Variants in MRAP observed in about 807,000 individuals in gnomAD.
The protein encoded by MRAP is melanocortin-2 receptor accessory protein.
Under a neutral mutation model 8.7 loss-of-function variants are expected in MRAP, and 8 were observed. The ratio of observed to expected loss-of-function variants is 0.92; its 90% confidence interval spans 0.54 to 1.66. The LOEUF is 1.66. MRAP is among the 40% of genes most tolerant of loss of function. The pLI is 0.00. For synonymous variants in MRAP, 95 were observed against 95.5 expected (o/e 1.00, Z 0.03); for missense variants, 237 against 217.1 (o/e 1.09, Z -0.58).
At chr21:32,293,890 G>T (rs7280553), upstream of MRAP, among the ~76,000 whole-genome samples, 152,108 of 152,108 alleles carry the variant, frequency 1, 76,054 homozygotes, top group Non-Finnish European at 1. Context: ...TCTACTAGGG[G>T]ACTTGCATGG....
downstream of MRAP, chr21:32,312,442 GTGATGGCATCTGCCCTGCCAGGT>G (rs1351851000): frequency 1.7e-6 from 1 of 603,614 alleles, no homozygotes; most frequent in African/African-American, 1.9e-5. Flanking sequence ...TCCCCCAGAT[GTGATGGCATCTGCCCTGCCAGGT>G]CAGCTCACTG....
chr21:32,304,114 C>G (rs1217250895), intron 1 of MRAP, among the ~76,000 whole-genome samples: 3 of 152,182 alleles, frequency 2.0e-5, no homozygotes, highest in Non-Finnish European at 2.9e-5. Flanking sequence ...ACCTCAAACC[C>G]TGCACTATTT....
At chr21:32,304,175 C>A (rs953567881) in intron 1 of MRAP, among the ~76,000 whole-genome samples, 1 of 152,176 alleles carries the variant, frequency 6.6e-6, no homozygotes, top group Non-Finnish European at 1.5e-5. Flanking sequence ...AATATCCCTA[C>A]AGAATAAAAC....
At chr21:32,299,176 G>A (rs890487157) in intron 1 of MRAP, 99 bp downstream of exon 1, 27 of 850,838 alleles carry the variant, frequency 3.2e-5, no homozygotes, top group Admixed American at 1.4e-4. Flanking sequence ...TATTAACTCC[G>A]GTAGACATCA....
upstream of MRAP, among the ~76,000 whole-genome samples, chr21:32,295,486 G>A (rs376454404): frequency 1.3e-5 from 2 of 152,134 alleles, no homozygotes; most frequent in Non-Finnish European, 2.9e-5. Context: ...TTTTCTTGGC[G>A]CCGCCTGTGA....
chr21:32,295,485 C>A (rs978546202), upstream of MRAP, among the ~76,000 whole-genome samples: 1 of 152,142 alleles, frequency 6.6e-6, no homozygotes, highest in African/African-American at 2.4e-5. Context: ...CTTTTCTTGG[C>A]GCCGCCTGTG....
upstream of MRAP, among the ~76,000 whole-genome samples, chr21:32,294,604 T>C (rs1388713729): frequency 2.6e-5 from 4 of 152,204 alleles, no homozygotes; most frequent in Non-Finnish European, 5.9e-5. Context: ...CCTTAGTAGA[T>C]ATATAATTTT....
At chr21:32,309,318 C>G (rs1412985538) in intron 2 of MRAP, among the ~76,000 whole-genome samples, 1 of 152,146 alleles carries the variant, frequency 6.6e-6, no homozygotes, top group Non-Finnish European at 1.5e-5. Context: ...CTTGAAGGGG[C>G]CTCTGATTCT....
At chr21:32,303,684 G>A (rs1459500509) in intron 1 of MRAP, among the ~76,000 whole-genome samples, 1 of 152,240 alleles carries the variant, frequency 6.6e-6, no homozygotes, top group African/African-American at 2.4e-5. Context: ...AACCCAGCCT[G>A]GGGCTCCCTG....
At chr21:32,302,159 G>A (rs139134527) in intron 1 of MRAP, among the ~76,000 whole-genome samples, 1 of 152,230 alleles carries the variant, frequency 6.6e-6, no homozygotes, top group East Asian at 1.9e-4. Flanking sequence ...AACATCTGTG[G>A]TGATAAATTG....
chr21:32,310,209 G>A (rs1294114861), intron 2 of MRAP, among the ~76,000 whole-genome samples: 1 of 152,176 alleles, frequency 6.6e-6, no homozygotes, highest in East Asian at 1.9e-4. Context: ...ATCCTGACCA[G>A]CTACATGGCT....
upstream of MRAP, among the ~76,000 whole-genome samples, chr21:32,298,052 A>G (rs186532355): frequency 1.4e-4 from 22 of 152,284 alleles, no homozygotes; most frequent in East Asian, 3.7e-3. Flanking sequence ...TGGCCTCCTA[A>G]TTCTCAAAGG....
upstream of MRAP, among the ~76,000 whole-genome samples, chr21:32,297,234 T>A (rs1444957336): frequency 1.3e-5 from 2 of 152,204 alleles, no homozygotes; most frequent in Non-Finnish European, 2.9e-5. Context: ...GGGGGCTAGT[T>A]GTCAGAGGAA....
At chr21:32,304,529 G>A (rs1297447648) in intron 1 of MRAP, among the ~76,000 whole-genome samples, 1 of 151,858 alleles carries the variant, frequency 6.6e-6, no homozygotes, top group African/African-American at 2.4e-5. Context: ...GCGGGAGAAC[G>A]ACTTGAACCC....
chr21:32,313,307 A>T (rs1368772276), downstream of MRAP: 2 of 152,306 alleles, frequency 1.3e-5, no homozygotes, highest in African/African-American at 4.8e-5. Context: ...ATAAACAAGC[A>T]GAGGTGCCTA....
chr21:32,295,685 C>T (rs1262543559), upstream of MRAP, among the ~76,000 whole-genome samples: 1 of 152,022 alleles, frequency 6.6e-6, no homozygotes, highest in Non-Finnish European at 1.5e-5. Flanking sequence ...GGTGTCTTAA[C>T]AGAAATATGG....
intron 2 of MRAP, among the ~76,000 whole-genome samples, chr21:32,307,472 G>A (rs1477265640): frequency 3.9e-5 from 6 of 151,906 alleles, no homozygotes; most frequent in Non-Finnish European, 7.4e-5. Flanking sequence ...AGCTACTCAG[G>A]AGGCTGAGGC....
Position 32,312,216 on chromosome 21 carries a change from T to C in MRAP, c.*220T>C, listed in dbSNP as rs1436041534. 3 of 1,455,054 alleles carry C rather than the reference T, an allele frequency of 2.1e-6. No individual in the cohort carries two copies. In the African/African-American group the frequency reaches 4.3e-5, roughly 21 times the overall value. The allele number at this position is 1,455,054 out of a possible 1,614,324, so 90.1% of individuals were successfully genotyped here. On this transcript the variant is annotated 3_prime_UTR_variant, in exon 3 of 3. Transcript: ENST00000303645. Reference sequence around the variant, plus strand: ...TGTTGCTGAGTTTATTGAGCACACCTAGCCTGCTTGCTTACTGCTTATATT... The same window carrying C: ...TGTTGCTGAGTTTATTGAGCACACCCAGCCTGCTTGCTTACTGCTTATATT...
At chr21:32,292,272 T>C (rs1185636947) in intron 1 of MRAP, among the ~76,000 whole-genome samples, 3 of 152,198 alleles carry the variant, frequency 2.0e-5, no homozygotes, top group Admixed American at 6.5e-5. Context: ...TGAAACTAAA[T>C]TGGCCTTGGC....
Sources: gnomAD v4.1 joint callset for allele counts (sites outside exome capture counted in the v4.1 genomes callset) on GRCh38, gnomAD v4.1.1 for gene constraint, MANE v1.5 for transcripts, NCBI Gene and HGNC (gene_info 2026-07-23, HGNC 2026-07-21) for gene names.